HOXB9: variants seen among roughly 807,000 people sequenced by gnomAD.
The protein encoded by HOXB9 is homeobox B9, also known as homeobox protein Hox-B9.
HOXB9 carries 10 observed loss-of-function variants against 21.5 expected under a neutral mutation model. The ratio of observed to expected loss-of-function variants is 0.47; its 90% confidence interval spans 0.29 to 0.79. HOXB9 has a LOEUF of 0.79. Among genes scored for constraint, HOXB9 ranks in the 30% least tolerant of loss-of-function variants. HOXB9 has a pLI of 0.10. For missense variants in HOXB9, 375 were observed against 338.7 expected (o/e 1.11, Z -0.84); for synonymous variants, 156 against 151.2 (o/e 1.03, Z -0.23).
intron 1 of HOXB9, among the ~76,000 whole-genome samples, chr17:48,623,875 GTC>G (rs1300000395): frequency 2.0e-5 from 3 of 152,202 alleles, no homozygotes; most frequent in Non-Finnish European, 4.4e-5. Flanking sequence ...GGTTGCAATA[GTC>G]TCTCTCCTTT....
In HOXB9 at chr17:48,622,837, T is replaced by G; in HGVS notation, c.*63A>C. Reference sequence around the variant, plus strand: ...ATCCCAGACAGCACTGGCTTTGCAGTCGTCACATAACTAAGAGTGAGATGG... The same window carrying G: ...ATCCCAGACAGCACTGGCTTTGCAGGCGTCACATAACTAAGAGTGAGATGG... On this transcript the variant is annotated 3_prime_UTR_variant, in exon 2 of 2. Coordinates refer to ENST00000311177, the MANE Select transcript of HOXB9 (RefSeq NM_024017.5). 1 of 1,250,956 alleles carries G rather than the reference T, an allele frequency of 8.0e-7. No homozygotes were observed. Among genetic ancestry groups the G allele is most frequent in the South Asian group, 1.3e-5 (1 of 77,990 alleles). 77.5% of individuals were successfully genotyped at this position (1,250,956 alleles called of 1,614,324 possible).
At chr17:48,624,237 A>C (rs2070793862) in intron 1 of HOXB9, among the ~76,000 whole-genome samples, 1 of 152,176 alleles carries the variant, frequency 6.6e-6, no homozygotes, top group Non-Finnish European at 1.5e-5. Flanking sequence ...TTATATAAAA[A>C]ATTTGGTTCA....
rs2070781291 is a variant in HOXB9, at chr17:48,622,811, C to T, written c.*89G>A. On this transcript the variant is annotated 3_prime_UTR_variant, in exon 2 of 2. Transcript: ENST00000311177. The stretch of plus-strand genomic sequence containing the variant: ...ACTCCCTTCCCCATTCACTTGAATA[C>T]ATCCCAGACAGCACTGGCTTTGCAG... 1.9e-5 allele frequency: 18 copies of T among 931,606 alleles called. No homozygotes were observed. Among genetic ancestry groups the T allele is most frequent in the Non-Finnish European group, 3.0e-5 (18 of 596,706 alleles). 57.7% of individuals were successfully genotyped at this position (931,606 alleles called of 1,614,324 possible).
chr17:48,622,036 G>C lies in HOXB9; in HGVS notation c.*864C>G, dbSNP rs966119413. ...GAGGACAACATTGTCAAGGCTCTACGACCCACAGTTTGACCTTCTTTTGTT... is the reference window on the plus strand; with the variant it reads ...GAGGACAACATTGTCAAGGCTCTACCACCCACAGTTTGACCTTCTTTTGTT... On this transcript the variant is annotated 3_prime_UTR_variant, in exon 2 of 2. Coordinates refer to ENST00000311177, the MANE Select transcript of HOXB9 (RefSeq NM_024017.5). 1 of 152,234 alleles carries C rather than the reference G, an allele frequency of 6.6e-6. No homozygotes were observed. The highest frequency in any genetic ancestry group is 2.4e-5 in the African/African-American group (1 of 41,442). 9.4% of individuals were successfully genotyped at this position (152,234 alleles called of 1,614,324 possible). A position where few individuals can be genotyped will look rare whatever the true frequency, so the allele number is the denominator to read the frequency against.
At chr17:48,625,608 T>G in intron 1 of HOXB9, 145 bp downstream of exon 1, 8 of 989,418 alleles carry the variant, frequency 8.1e-6, no homozygotes, top group East Asian at 2.8e-5. Flanking sequence ...CCCTCCGTCT[T>G]TCCTTCCTCT....
Position 48,623,170 on chromosome 17 carries a change from A to C in HOXB9, c.518-35T>G, listed in dbSNP as rs764816301. On this transcript the variant is annotated intron_variant, in intron 1 of 1. Coordinates refer to ENST00000311177, the MANE Select transcript of HOXB9 (RefSeq NM_024017.5). ...AAGCAGCGATAGAATCAAAGAAAGG[A>C]AGGGGGTGAAGGGCCCCAGATCAAG... 10 of 1,533,852 alleles carry C rather than the reference A, an allele frequency of 6.5e-6. No individual in the cohort carries two copies. In the Admixed American group the frequency reaches 1.7e-4, roughly 27 times the overall value.
chr17:48,621,645 AGCCCGGGGCTTCTCT>A lies in HOXB9; in HGVS notation c.*1240_*1254del, dbSNP rs2070771068. ...TTTGGCGCTGGGGCTAGAGCCGCCA[AGCCCGGGGCTTCTCT>A]GCGTGGGTCGAGAAGCCGACGGGAT... On this transcript the variant is annotated 3_prime_UTR_variant, in exon 2 of 2. Transcript: ENST00000311177. The A allele has an allele frequency of 6.6e-6, 1 of 152,392 alleles. No individual in the cohort carries two copies. Among genetic ancestry groups the A allele is most frequent in the African/African-American group, 2.4e-5 (1 of 41,594 alleles). 9.4% of individuals were successfully genotyped at this position (152,392 alleles called of 1,614,324 possible). A position where few individuals can be genotyped will look rare whatever the true frequency, so the allele number is the denominator to read the frequency against.
chr17:48,623,747 G>A (rs558963424), intron 1 of HOXB9, among the ~76,000 whole-genome samples: 28 of 152,238 alleles, frequency 1.8e-4, no homozygotes, highest in African/African-American at 5.3e-4. Flanking sequence ...ACGAATATGG[G>A]TCTGCACTTA....
chr17:48,624,920 G>C (rs1323487377), intron 1 of HOXB9, among the ~76,000 whole-genome samples: 1 of 152,098 alleles, frequency 6.6e-6, no homozygotes, highest in Non-Finnish European at 1.5e-5. Flanking sequence ...TCCTCTCCCC[G>C]GGGTCCCTTC....
Position 48,625,945 on chromosome 17 carries a change from G to T in HOXB9, c.325C>A (p.Pro109Thr). ...TTCACCGCCGCCTGGCCCTGCCCCG[G>T]GGCCGCTTCGCCGCGCGGCGCCGGC... is the stretch of plus-strand genomic sequence containing the variant. ...LEPAPRGEAA[P>T]GQGQAAVKAE... Residue 109 changes from proline to threonine, a missense_variant, in exon 1 of 2, where the codon CCG becomes ACG. Transcript: ENST00000311177. 1 of 1,507,568 alleles carries T rather than the reference G, an allele frequency of 6.6e-7. No homozygotes were observed. The highest frequency in any genetic ancestry group is 1.4e-5 in the African/African-American group (1 of 69,444). The allele number at this position is 1,507,568 out of a possible 1,614,324, so 93.4% of individuals were successfully genotyped here.
In HOXB9 at chr17:48,623,092, T is replaced by C. The variant is rs760343285; in HGVS notation, c.561A>G (p.Lys187=). Residue 187 remains lysine, a synonymous_variant, in exon 2 of 2, where the codon AAA becomes AAG. Transcript: ENST00000311177. The part of the protein sequence containing the change: ...ANWLHARSSR[K]KRCPYTKYQT... ...GGTATTTGGTGTAGGGACAGCGCTT[T>C]TTCCGGGAAGAGCGAGCGTGCAGCC... 7 of 1,613,862 alleles carry C rather than the reference T, an allele frequency of 4.3e-6. No individual in the cohort carries two copies. The highest frequency in any genetic ancestry group is 3.3e-5 in the South Asian group (3 of 91,010).
In HOXB9 at chr17:48,623,085, AGC is replaced by A; in HGVS notation, c.566_567del (p.Arg189LeufsTer26). 3 of 1,614,094 alleles carry A rather than the reference AGC, an allele frequency of 1.9e-6. No individual in the cohort carries two copies. Among genetic ancestry groups the A allele is most frequent in the Non-Finnish European group, 2.5e-6 (3 of 1,179,998 alleles). ...AGCGTCTGGTATTTGGTGTAGGGAC[AGC>A]GCTTTTTCCGGGAAGAGCGAGCGTG... The part of the protein sequence containing the change: ...WLHARSSRKK[R>X]CPYTKYQTLE... On this transcript the variant is annotated frameshift_variant, in exon 2 of 2. Coordinates refer to ENST00000311177, the MANE Select transcript of HOXB9 (RefSeq NM_024017.5). LOFTEE classifies it high-confidence loss of function.
chr17:48,625,610 C>G, intron 1 of HOXB9, 143 bp downstream of exon 1: 145 of 942,166 alleles, frequency 1.5e-4, no homozygotes, highest in Non-Finnish European at 2.0e-4. Context: ...CTCCGTCTTT[C>G]CTTCCTCTCC....
At position 48,625,822 on chromosome 17, in the gene HOXB9, T is replaced by C; in HGVS notation, c.448A>G (p.Asn150Asp). Reference protein sequence around the residue: ...TSAGREAVLSNQRPGYGDNKI... With the variant: ...TSAGREAVLSDQRPGYGDNKI... ...TTGTCCCCGTAGCCGGGTCTTTGATTAGACAGCACGGCCTCCCTGCCCGCC... is the reference window on the plus strand; with the variant it reads ...TTGTCCCCGTAGCCGGGTCTTTGATCAGACAGCACGGCCTCCCTGCCCGCC... The change falls in exon 1 of 2, where the codon AAT becomes GAT. Residue 150 changes from asparagine (N) to aspartate (D), a missense_variant. By Grantham distance (23) the Asn-to-Asp change is conservative. Transcript: ENST00000311177. The C allele has an allele frequency of 1.2e-6, 2 of 1,610,352 alleles. No individual in the cohort carries two copies. The highest frequency in any genetic ancestry group is 1.7e-6 in the Non-Finnish European group (2 of 1,178,650).
rs1228015710 is a variant in HOXB9, at chr17:48,626,341, T to A, written c.-72A>T. 1.8e-5 allele frequency: 27 copies of A among 1,488,824 alleles called. No individual in the cohort carries two copies. Among genetic ancestry groups the A allele is most frequent in the Non-Finnish European group, 2.3e-5 (26 of 1,112,854 alleles). The allele number at this position is 1,488,824 out of a possible 1,614,324, so 92.2% of individuals were successfully genotyped here. On this transcript the variant is annotated 5_prime_UTR_variant, in exon 1 of 2. Transcript: ENST00000311177. ...GCGGCGGCGCCCAAGCAGGGAGAGGTGGCACCCGGACCGGTGTGAGGGCTT... is the reference window on the plus strand; with the variant it reads ...GCGGCGGCGCCCAAGCAGGGAGAGGAGGCACCCGGACCGGTGTGAGGGCTT...
In HOXB9 at chr17:48,622,785, G is replaced by T. The variant is rs1433325966; in HGVS notation, c.*115C>A. 2 of 730,632 alleles carry T rather than the reference G, an allele frequency of 2.7e-6. No homozygotes were observed. The highest frequency in any genetic ancestry group is 4.6e-6 in the Non-Finnish European group (2 of 438,490). The allele number at this position is 730,632 out of a possible 1,614,324, so 45.3% of individuals were successfully genotyped here. A position where few individuals can be genotyped will look rare whatever the true frequency, so the allele number is the denominator to read the frequency against. On this transcript the variant is annotated 3_prime_UTR_variant, in exon 2 of 2. Transcript: ENST00000311177. The stretch of plus-strand genomic sequence containing the variant: ...GTGCAGATAAAGGACTTGGAAGAGA[G>T]ACTCCCTTCCCCATTCACTTGAATA...
chr17:48,625,961 C>G lies in HOXB9; in HGVS notation c.309G>C (p.Pro103=), dbSNP rs1460263304. The G allele has an allele frequency of 2.0e-6, 3 of 1,487,356 alleles. No individual in the cohort carries two copies. The African/African-American group carries it at 4.4e-5, about 22-fold the overall frequency. 92.1% of individuals were successfully genotyped at this position (1,487,356 alleles called of 1,614,324 possible). Residue 103 remains proline, a synonymous_variant, in exon 1 of 2, where the codon CCG becomes CCC. Coordinates refer to ENST00000311177, the MANE Select transcript of HOXB9 (RefSeq NM_024017.5). ...CCTGCCCCGGGGCCGCTTCGCCGCGCGGCGCCGGCTCCAGCCAGGTGCGGA... is the reference window on the plus strand; with the variant it reads ...CCTGCCCCGGGGCCGCTTCGCCGCGGGGCGCCGGCTCCAGCCAGGTGCGGA... ...RYLRTWLEPA[P]RGEAAPGQGQ... is the part of the protein sequence containing the mutation.
rs746430819 is a variant in HOXB9, at chr17:48,626,110, G to T, written c.160C>A (p.Pro54Thr). ...GAGGCGCCGAACACCGGCGCTTTGG[G>T]CTGGAAGCTGCACGAGGGGAACTCC... ...HLEFPSCSFQ[P>T]KAPVFGASWA... is the part of the protein sequence containing the mutation. Residue 54 changes from proline to threonine, a missense_variant, in exon 1 of 2, where the codon CCC (proline) becomes ACC (threonine). By Grantham distance (38) the Pro-to-Thr change is conservative. Transcript: ENST00000311177. 2 of 1,581,996 alleles carry T rather than the reference G, an allele frequency of 1.3e-6. No homozygotes were observed. Among genetic ancestry groups the T allele is most frequent in the Non-Finnish European group, 1.7e-6 (2 of 1,170,742 alleles).
At chr17:48,625,154 G>A (rs1464128590) in intron 1 of HOXB9, among the ~76,000 whole-genome samples, 3 of 152,260 alleles carry the variant, frequency 2.0e-5, no homozygotes, top group Non-Finnish European at 4.4e-5. Context: ...GGCTTCCCCC[G>A]CCCCTCCTGT....
Sources: gnomAD v4.1 joint callset for allele counts (sites outside exome capture counted in the v4.1 genomes callset) on GRCh38, gnomAD v4.1.1 for gene constraint, MANE v1.5 for transcripts, NCBI Gene and HGNC (gene_info 2026-07-23, HGNC 2026-07-21) for gene names.